CAPZB: variants seen among roughly 807,000 people sequenced by gnomAD.
CAPZB encodes F-actin-capping protein subunit beta.
In CAPZB, 2 loss-of-function variants were observed where a neutral mutation model predicts 38.1. The observed-to-expected ratio is 0.05, with a 90% CI of 0.02 to 0.17. CAPZB has a LOEUF of 0.17. CAPZB is among the 10% of genes least tolerant of loss of function. The pLI is 1.00. For synonymous variants in CAPZB, 107 were observed against 127.4 expected, an observed-to-expected ratio of 0.84 and a Z score of 1.08; for missense variants, 161 against 334.2, an observed-to-expected ratio of 0.48 and a Z score of 4.04.
chr1:19,448,743 C>A, intron 1 of CAPZB: 1 of 1,466,188 alleles, frequency 6.8e-7, no homozygotes, highest in Non-Finnish European at 9.4e-7. Context: ...CTATTTACTT[C>A]TCCCTTCACC....
In CAPZB at chr1:19,485,407, G is replaced by A. The variant is rs2094647967; in HGVS notation, c.3+29C>T. 9.0e-6 allele frequency: 11 copies of A among 1,226,536 alleles called. No homozygotes were observed. The South Asian group carries it at 1.2e-4, about 14-fold the overall frequency. 76.0% of individuals were successfully genotyped at this position (1,226,536 alleles called of 1,614,324 possible). A position where few individuals can be genotyped will look rare whatever the true frequency, so the allele number is the denominator to read the frequency against. On this transcript the variant is annotated intron_variant, in intron 1 of 8. Transcript: ENST00000264202. ...GACGCGAGCTCCGGAGGGGCCCCCGGGCCGGGGAGGGGGCCGTGCGGCCTT... is the reference window on the plus strand; with the variant it reads ...GACGCGAGCTCCGGAGGGGCCCCCGAGCCGGGGAGGGGGCCGTGCGGCCTT...
chr1:19,403,917 C>T (rs1439400867), intron 2 of CAPZB, among the ~76,000 whole-genome samples: 3 of 152,166 alleles, frequency 2.0e-5, no homozygotes, highest in Non-Finnish European at 4.4e-5. Context: ...AGCCGCAGTT[C>T]CTCCCTGTCA....
intron 1 of CAPZB, among the ~76,000 whole-genome samples, chr1:19,452,269 C>T (rs1031879497): frequency 2.0e-5 from 3 of 152,170 alleles, no homozygotes; most frequent in Admixed American, 1.3e-4. Context: ...CCTGCTCCCC[C>T]GCAACGGCTC....
At chr1:19,407,754 G>A (rs940302026) in intron 2 of CAPZB, among the ~76,000 whole-genome samples, 5 of 152,248 alleles carry the variant, frequency 3.3e-5, no homozygotes, top group Middle Eastern at 3.4e-3. Context: ...TTCTCTCCCA[G>A]GGCTTCCGAA....
chr1:19,485,499 GC>G lies in CAPZB; in HGVS notation c.-62del. The G allele has an allele frequency of 8.2e-7, 1 of 1,222,086 alleles. No individual in the cohort carries two copies. Among genetic ancestry groups the G allele is most frequent in the Non-Finnish European group, 1.0e-6 (1 of 980,348 alleles). 75.7% of individuals were successfully genotyped at this position (1,222,086 alleles called of 1,614,324 possible). ...CAGTGGCTCTCCCCCCCGCAGCAGG[GC>G]CCGGCGCTTCCACTTCCCCGGGTGC... is the stretch of plus-strand genomic sequence containing the variant. On this transcript the variant is annotated 5_prime_UTR_variant, in exon 1 of 9. An upstream open reading frame in the 5' UTR gains an earlier in-frame stop. Coordinates refer to ENST00000264202, the MANE Select transcript of CAPZB (RefSeq NM_004930.5).
At position 19,339,311 on chromosome 1, in the gene CAPZB, AGAGAACT is replaced by A. The variant is rs1306228385; in HGVS notation, c.*212_*218del. 1 of 592,794 alleles carries A rather than the reference AGAGAACT, an allele frequency of 1.7e-6. No homozygotes were observed. Among genetic ancestry groups the A allele is most frequent in the Non-Finnish European group, 3.0e-6 (1 of 332,322 alleles). The allele number at this position is 592,794 out of a possible 1,614,324, so 36.7% of individuals were successfully genotyped here. ...CCACACGGTCTCTATGGAAATGTGG[AGAGAACT>A]GAGAGCGAGGTGTGGCAGAAGCAGG... is the stretch of plus-strand genomic sequence containing the variant. On this transcript the variant is annotated 3_prime_UTR_variant, in exon 9 of 9. Transcript: ENST00000264202.
At chr1:19,369,052 G>A (rs936368860) in intron 4 of CAPZB, among the ~76,000 whole-genome samples, 5 of 152,174 alleles carry the variant, frequency 3.3e-5, no homozygotes, top group Admixed American at 3.3e-4. Flanking sequence ...GAATTCTAGA[G>A]GCATCAGAGT....
At chr1:19,424,055 A>G (rs2094412516) in intron 1 of CAPZB, among the ~76,000 whole-genome samples, 1 of 151,982 alleles carries the variant, frequency 6.6e-6, no homozygotes, top group Non-Finnish European at 1.5e-5. Context: ...CAAGCGATCC[A>G]TCTGCCTCAG....
intron 4 of CAPZB, among the ~76,000 whole-genome samples, chr1:19,368,831 G>A (rs1289813080): frequency 3.3e-5 from 5 of 151,972 alleles, no homozygotes; most frequent in Admixed American, 1.3e-4. Context: ...GTGCCCCACC[G>A]CACCTATTCT....
chr1:19,471,998 C>T (rs79764332), intron 1 of CAPZB, among the ~76,000 whole-genome samples: 4,856 of 152,184 alleles, frequency 0.032, 96 homozygotes, highest in African/African-American at 0.056. Context: ...CCAGGATTCT[C>T]CTACGTGCTC....
At chr1:19,450,913 T>C (rs1195193119) in intron 1 of CAPZB, among the ~76,000 whole-genome samples, 1 of 152,180 alleles carries the variant, frequency 6.6e-6, no homozygotes, top group African/African-American at 2.4e-5. Context: ...CCACCACCAA[T>C]GTTTGTCTTT....
intron 8 of CAPZB, chr1:19,342,947 G>A: frequency 1.2e-6 from 1 of 841,388 alleles, no homozygotes; most frequent in Non-Finnish European, 2.1e-6. Context: ...CAGCTGAGGA[G>A]GAAATTCAGG....
chr1:19,419,447 A>C (rs1022039073), intron 2 of CAPZB, among the ~76,000 whole-genome samples: 5 of 152,212 alleles, frequency 3.3e-5, no homozygotes. Flanking sequence ...AGAACTCCTA[A>C]CTTGGGCTTC....
At chr1:19,418,867 T>C (rs1472989839) in intron 2 of CAPZB, among the ~76,000 whole-genome samples, 1 of 152,214 alleles carries the variant, frequency 6.6e-6, no homozygotes, top group Admixed American at 6.5e-5. Context: ...TGAGCCATGC[T>C]TGGCAATGGA....
intron 1 of CAPZB, among the ~76,000 whole-genome samples, chr1:19,465,956 C>T (rs560941619): frequency 6.6e-6 from 1 of 152,112 alleles, no homozygotes. Context: ...AGCCTCAAAT[C>T]GATCCTATGA....
chr1:19,481,444 T>C (rs1224973463), intron 1 of CAPZB, among the ~76,000 whole-genome samples: 2 of 152,162 alleles, frequency 1.3e-5, no homozygotes, highest in African/African-American at 4.8e-5. Context: ...GCACATGACT[T>C]GGGCTGACAG....
chr1:19,480,289 G>T (rs890420504), intron 1 of CAPZB, among the ~76,000 whole-genome samples: 2 of 152,096 alleles, frequency 1.3e-5, no homozygotes, highest in Admixed American at 6.5e-5. Context: ...CCAAGCACTG[G>T]AGTAAGTACA....
chr1:19,485,033 C>G (rs2094646166), intron 1 of CAPZB, among the ~76,000 whole-genome samples: 1 of 151,924 alleles, frequency 6.6e-6, no homozygotes, highest in African/African-American at 2.4e-5. Context: ...ACGGCCTAGC[C>G]TGGGCCGGAG....
chr1:19,424,082 G>T lies in CAPZB; in HGVS notation c.4-4332C>A, dbSNP rs537768459. On this transcript the variant is annotated intron_variant, in intron 1 of 8. Transcript: ENST00000264202. The stretch of plus-strand genomic sequence containing the variant: ...CTGCCTCAGCCTCCCAAAGTGCTGG[G>T]TTTGCAGGCGTGAGCCACTGCACCT... Among the ~76,000 whole-genome samples, 8 of 152,258 alleles carry T rather than the reference G, an allele frequency of 5.3e-5. No homozygotes were observed. In the South Asian group the frequency reaches 1.7e-3, roughly 32 times the overall value.
Sources: gnomAD v4.1 joint callset for allele counts (sites outside exome capture counted in the v4.1 genomes callset) on GRCh38, gnomAD v4.1.1 for gene constraint, MANE v1.5 for transcripts, NCBI Gene and HGNC (gene_info 2026-07-23, HGNC 2026-07-21) for gene names.